RPTOR: variants seen among roughly 807,000 people sequenced by gnomAD.
RPTOR encodes regulatory associated protein of MTOR complex 1.
In RPTOR, 21 loss-of-function variants were observed where a neutral mutation model predicts 169.9. That is an observed-to-expected ratio of 0.12 (90% CI 0.09 to 0.18). RPTOR has a LOEUF of 0.18. RPTOR is among the 10% of genes least tolerant of loss of function. The pLI, the probability that RPTOR is intolerant of heterozygous loss-of-function variation, is 1.00. For missense variants in RPTOR, 1,133 were observed against 1,855.9 expected (o/e 0.61, Z 7.16); for synonymous variants, 732 against 753.2 (o/e 0.97, Z 0.46).
intron 4 of RPTOR, among the ~76,000 whole-genome samples, chr17:80,727,511 A>T (rs1238181417): frequency 6.6e-6 from 1 of 151,716 alleles, no homozygotes; most frequent in Non-Finnish European, 1.5e-5. Flanking sequence ...TGCTCTGAGA[A>T]CGTGGACGCT....
At chr17:80,956,514 A>G (rs2069251284) in intron 28 of RPTOR, among the ~76,000 whole-genome samples, 1 of 152,248 alleles carries the variant, frequency 6.6e-6, no homozygotes, top group Non-Finnish European at 1.5e-5. Flanking sequence ...CCCGTGGCCC[A>G]TGCCGAGCTC....
intron 6 of RPTOR, among the ~76,000 whole-genome samples, chr17:80,760,698 G>A (rs949450363): frequency 1.3e-5 from 2 of 152,192 alleles, no homozygotes; most frequent in African/African-American, 4.8e-5. Context: ...AACTAGGATT[G>A]GGCTGCAGAT....
chr17:80,578,590 ACCAAGCGGATT>A (rs1445638770), intron 1 of RPTOR, among the ~76,000 whole-genome samples: 3 of 152,182 alleles, frequency 2.0e-5, no homozygotes, highest in Admixed American at 2.0e-4. Flanking sequence ...AGGTATCTCA[ACCAAGCGGATT>A]TAGGTGGGGA....
chr17:80,827,809 G>A (rs552993034), intron 9 of RPTOR, among the ~76,000 whole-genome samples: 10 of 152,198 alleles, frequency 6.6e-5, no homozygotes, highest in Non-Finnish European at 7.3e-5. Flanking sequence ...CTGATTAAGC[G>A]CCTGCTGCGT....
In RPTOR at chr17:80,823,174, A is replaced by T. The variant is rs1255689438; in HGVS notation, c.1087A>T (p.Thr363Ser). The part of the protein sequence containing the change: ...AERIMRSYNC[T>S]PVSSPRLPPT... ...AAGGATTATGAGGTCGTATAACTGCACTCCCGTCAGCAGCCCGCGTCTGCC... is the reference window on the plus strand; with the variant it reads ...AAGGATTATGAGGTCGTATAACTGCTCTCCCGTCAGCAGCCCGCGTCTGCC... The change falls in exon 9 of 34, where the codon ACT becomes TCT. Residue 363 changes from threonine to serine, a missense_variant. Coordinates refer to ENST00000306801, the MANE Select transcript of RPTOR (RefSeq NM_020761.3). This position sits in a 1 kb window ranked among gnomAD's most constrained non-coding sequence, Gnocchi z 4.5. The T allele has an allele frequency of 2.5e-6, 4 of 1,613,876 alleles. No individual in the cohort carries two copies. Among genetic ancestry groups the T allele is most frequent in the Non-Finnish European group, 2.5e-6 (3 of 1,179,978 alleles).
chr17:80,743,836 C>G lies in RPTOR; in HGVS notation c.655-10174C>G, dbSNP rs183507005. 3.5e-4 allele frequency among the ~76,000 whole-genome samples: 33 copies of G among 94,470 alleles called. 1 individual carries two copies. The highest frequency in any genetic ancestry group is 7.8e-4 in the African/African-American group (22 of 28,054). The allele number at this position is 94,470 out of a possible 152,430, so 62.0% of individuals were successfully genotyped here. A position where few individuals can be genotyped will look rare whatever the true frequency, so the allele number is the denominator to read the frequency against. ...ACTAGCAGAGCCCTGGCTACTAGCACAGCCCTGGTTACTAGCAGAGCCCTG... is the reference window on the plus strand; with the variant it reads ...ACTAGCAGAGCCCTGGCTACTAGCAGAGCCCTGGTTACTAGCAGAGCCCTG... On this transcript the variant is annotated intron_variant, in intron 5 of 33. Coordinates refer to ENST00000306801, the MANE Select transcript of RPTOR (RefSeq NM_020761.3).
rs772240053 is a variant in RPTOR at position 80,625,793 on chromosome 17, G to C, written c.265G>C (p.Asp89His). The change falls in exon 2 of 34, where the codon GAT (aspartate) becomes CAT (histidine). Residue 89 changes from aspartate (D) to histidine (H), a missense_variant and splice_region_variant. By Grantham distance (81) the Asp-to-His change is moderately conservative. Coordinates refer to ENST00000306801, the MANE Select transcript of RPTOR (RefSeq NM_020761.3). ...TPCARLECWI[D>H]PLSMGPQKAL... ...CTGTGCACGCTTGGAATGCTGGATC[G>C]GTGAGTATGCCTCCCTCACGCGCTG... 1 of 1,601,368 alleles carries C rather than the reference G, an allele frequency of 6.2e-7. No individual in the cohort carries two copies. Among genetic ancestry groups the C allele is most frequent in the South Asian group, 1.1e-5 (1 of 90,780 alleles).
At chr17:80,756,770 A>G (rs981356112) in intron 6 of RPTOR, among the ~76,000 whole-genome samples, 1 of 152,226 alleles carries the variant, frequency 6.6e-6, no homozygotes, top group Non-Finnish European at 1.5e-5. Context: ...TTTGATCATT[A>G]CGCATTGTAT....
chr17:80,909,221 C>T lies in RPTOR; in HGVS notation c.2520+292C>T, dbSNP rs201734821. ...TGTCTGGGTGAGCTACAGTGCTGGC[C>T]CTTCTTCCATTTTTTTTTTCTTTCT... On this transcript the variant is annotated intron_variant, in intron 21 of 33. Coordinates refer to ENST00000306801, the MANE Select transcript of RPTOR (RefSeq NM_020761.3). Among the ~76,000 whole-genome samples the T allele has an allele frequency of 1.0e-3, 97 of 95,328 alleles. 1 individual carries two copies. The East Asian group carries it at 0.023, about 23-fold the overall frequency. The allele number at this position is 95,328 out of a possible 152,430, so 62.5% of individuals were successfully genotyped here.
At position 80,780,171 on chromosome 17, in the gene RPTOR, GT is replaced by G. The variant is rs1416836159; in HGVS notation, c.831-11277del. Among the ~76,000 whole-genome samples, 4 of 152,302 alleles carry G rather than the reference GT, an allele frequency of 2.6e-5. No homozygotes were observed. In the East Asian group the frequency reaches 7.7e-4, roughly 29 times the overall value. ...ATAAAGCAGCTGGATCAAAAGTCTG[GT>G]TCTTATCAGACGACTTAATTGATAA... is the stretch of plus-strand genomic sequence containing the variant. On this transcript the variant is annotated intron_variant, in intron 6 of 33. Coordinates refer to ENST00000306801, the MANE Select transcript of RPTOR (RefSeq NM_020761.3).
At chr17:80,580,236 T>TA (rs2065002884) in intron 1 of RPTOR, among the ~76,000 whole-genome samples, 1 of 152,228 alleles carries the variant, frequency 6.6e-6, no homozygotes, top group East Asian at 1.9e-4. Context: ...AGACAGTGTA[T>TA]AAATCTTTGT....
intron 3 of RPTOR, among the ~76,000 whole-genome samples, chr17:80,703,675 A>G (rs939619858): frequency 1.3e-5 from 2 of 152,184 alleles, no homozygotes; most frequent in Admixed American, 6.5e-5. Flanking sequence ...AGGAAAATGC[A>G]TAGACCCTCC....
intron 6 of RPTOR, among the ~76,000 whole-genome samples, chr17:80,779,277 T>C (rs1439853982): frequency 6.6e-6 from 1 of 152,150 alleles, no homozygotes; most frequent in African/African-American, 2.4e-5. Context: ...TAAATGAAAA[T>C]ACATCCCAGG....
At chr17:80,728,955 A>C (rs933276206) in intron 4 of RPTOR, among the ~76,000 whole-genome samples, 1 of 152,206 alleles carries the variant, frequency 6.6e-6, no homozygotes, top group African/African-American at 2.4e-5. Flanking sequence ...GGACAGTTTT[A>C]ACAACATGTT....
chr17:80,594,347 C>T (rs994230465), intron 1 of RPTOR, among the ~76,000 whole-genome samples: 4 of 152,202 alleles, frequency 2.6e-5, no homozygotes, highest in Non-Finnish European at 4.4e-5. Context: ...CCACCTTGGC[C>T]GCCCAAAGTG....
intron 6 of RPTOR, among the ~76,000 whole-genome samples, chr17:80,755,336 C>T (rs2066669670): frequency 6.6e-6 from 1 of 152,172 alleles, no homozygotes; most frequent in South Asian, 2.1e-4. Context: ...TGTGGTAGCT[C>T]ACACCTGTAA....
rs397727554 is a variant in RPTOR at position 80,651,542 on chromosome 17, T to TA, written c.348+7736dup. Among the ~76,000 whole-genome samples the TA allele has an allele frequency of 1.3e-5, 2 of 152,088 alleles. No individual in the cohort carries two copies. Among genetic ancestry groups the TA allele is most frequent in the East Asian group, 1.9e-4 (1 of 5,170 alleles). On this transcript the variant is annotated intron_variant, in intron 3 of 33. Transcript: ENST00000306801. This position sits in a 1 kb window ranked among gnomAD's most constrained non-coding sequence, Gnocchi z 4.1. Reference sequence around the variant, plus strand: ...GTATGACACATAATGGAGATTTTTTTAAAATGGACATACGAAGCACATAAC... The same window carrying TA: ...GTATGACACATAATGGAGATTTTTTTAAAAATGGACATACGAAGCACATAAC...
chr17:80,804,163 CAG>C (rs1312017448), intron 7 of RPTOR: 10 of 152,268 alleles, frequency 6.6e-5, no homozygotes, highest in African/African-American at 2.4e-4. Flanking sequence ...CTCCATGAAT[CAG>C]TGGCGTGACC....
intron 1 of RPTOR, among the ~76,000 whole-genome samples, chr17:80,578,299 T>C (rs564933511): frequency 6.6e-6 from 1 of 152,128 alleles, no homozygotes; most frequent in Admixed American, 6.5e-5. Context: ...AGGGAGGAAA[T>C]TGAAGGCTTG....
Sources: allele counts gnomAD v4.1 joint callset (sites outside exome capture counted in the v4.1 genomes callset), GRCh38; gene constraint gnomAD v4.1.1; non-coding constraint Gnocchi (gnomAD v3.1); transcripts MANE v1.5; gene names NCBI Gene and HGNC (gene_info 2026-07-23, HGNC 2026-07-21).